LGSN: variants seen among roughly 807,000 people sequenced by gnomAD.
LGSN encodes the protein lengsin.
LGSN carries 21 observed loss-of-function variants against 19.5 expected under a neutral mutation model. The observed-to-expected ratio is 1.07, with a 90% CI of 0.76 to 1.55. The LOEUF (loss-of-function observed/expected upper bound fraction) is 1.55, where lower values mean the gene tolerates loss of function less well. LGSN is among the 40% of genes most tolerant of loss of function. The pLI is 0.00. For synonymous variants in LGSN, 257 were observed against 215.6 expected (o/e 1.19, Z -1.68); for missense variants, 673 against 608.5 (o/e 1.11, Z -1.12).
chr6:63,546,945 A>G, the LGSN span, among the ~76,000 whole-genome samples: 1 of 152,176 alleles, frequency 6.6e-6, no homozygotes, highest in Non-Finnish European at 1.5e-5. Context: ...CACCATAAAT[A>G]TATTTAATTT....
chr6:63,525,121 G>A, the LGSN span, among the ~76,000 whole-genome samples: 2 of 152,154 alleles, frequency 1.3e-5, no homozygotes, highest in Non-Finnish European at 2.9e-5. Context: ...TGTTTCAAAG[G>A]TGAAGATTTC....
At chr6:63,569,407 C>T in the LGSN span, among the ~76,000 whole-genome samples, 13 of 152,118 alleles carry the variant, frequency 8.5e-5, no homozygotes, top group African/African-American at 2.9e-4. Context: ...GAGGTGCCTG[C>T]CACCATGCCC....
At chr6:63,312,671 G>T (rs1484851905) in intron 1 of LGSN, among the ~76,000 whole-genome samples, 1 of 152,136 alleles carries the variant, frequency 6.6e-6, no homozygotes, top group Non-Finnish European at 1.5e-5. Context: ...GCTAGGTCAG[G>T]ATACCATAAA....
the LGSN span, among the ~76,000 whole-genome samples, chr6:63,380,131 C>T: frequency 6.6e-6 from 1 of 152,196 alleles, no homozygotes; most frequent in African/African-American, 2.4e-5. Flanking sequence ...AGCCACCACG[C>T]CCGGCCTCAT....
the LGSN span, among the ~76,000 whole-genome samples, chr6:63,531,229 C>CCACCT: frequency 4.6e-5 from 7 of 152,234 alleles, no homozygotes; most frequent in East Asian, 9.7e-4. Context: ...CAGAGACTGT[C>CCACCT]CACCTCTAAA....
At chr6:63,507,529 A>T in the LGSN span, among the ~76,000 whole-genome samples, 1 of 152,192 alleles carries the variant, frequency 6.6e-6, no homozygotes, top group Non-Finnish European at 1.5e-5. Flanking sequence ...CTAGTTGCAT[A>T]GTCACCTGGT....
the LGSN span, among the ~76,000 whole-genome samples, chr6:63,551,619 G>T: frequency 6.6e-6 from 1 of 152,152 alleles, no homozygotes; most frequent in Middle Eastern, 3.4e-3. Flanking sequence ...CATGTGCCAT[G>T]TTGGTGTGCT....
chr6:63,397,921 C>T, the LGSN span, among the ~76,000 whole-genome samples: 1 of 151,406 alleles, frequency 6.6e-6, no homozygotes, highest in Non-Finnish European at 1.5e-5. Context: ...GCCTGGGCAA[C>T]AATGTAAAAC....
At chr6:63,494,308 A>G in the LGSN span, among the ~76,000 whole-genome samples, 1 of 152,186 alleles carries the variant, frequency 6.6e-6, no homozygotes, top group Admixed American at 6.5e-5. Flanking sequence ...GCAGCAGCCT[A>G]TAGCAGCTTA....
chr6:63,396,381 T>C, the LGSN span: 1 of 228,248 alleles, frequency 4.4e-6, no homozygotes, highest in Non-Finnish European at 9.1e-6. Flanking sequence ...GTCCAGAATC[T>C]CACTCAACAA....
chr6:63,387,677 C>A, the LGSN span, among the ~76,000 whole-genome samples: 1 of 151,782 alleles, frequency 6.6e-6, no homozygotes, highest in Non-Finnish European at 1.5e-5. Flanking sequence ...TCACAGAGAT[C>A]AGTACTGAGA....
At chr6:63,522,244 T>A in the LGSN span, among the ~76,000 whole-genome samples, 4 of 152,240 alleles carry the variant, frequency 2.6e-5, no homozygotes, top group African/African-American at 9.6e-5. Context: ...ATGGCAAATT[T>A]TAACTGTTGT....
the LGSN span, among the ~76,000 whole-genome samples, chr6:63,389,209 A>G: frequency 6.6e-6 from 1 of 152,218 alleles, no homozygotes; most frequent in Non-Finnish European, 1.5e-5. Flanking sequence ...TGAAAAAGCT[A>G]TGATAAATAA....
the LGSN span, among the ~76,000 whole-genome samples, chr6:63,390,190 C>T: frequency 4.0e-5 from 5 of 125,542 alleles, no homozygotes; most frequent in Non-Finnish European, 6.2e-5. Flanking sequence ...AGTGCAGTGG[C>T]GCAATCTTGT....
intron 1 of LGSN, among the ~76,000 whole-genome samples, chr6:63,305,895 T>C (rs1303755141): frequency 1.3e-5 from 2 of 151,890 alleles, no homozygotes; most frequent in Non-Finnish European, 2.9e-5. Flanking sequence ...ACTCCATCTC[T>C]ACAAAAAATA....
At chr6:63,361,992 G>A in the LGSN span, among the ~76,000 whole-genome samples, 25 of 152,236 alleles carry the variant, frequency 1.6e-4, no homozygotes, top group South Asian at 1.2e-3. Context: ...GACACAAAAC[G>A]TAAAACTATT....
At chr6:63,372,032 T>G in the LGSN span, among the ~76,000 whole-genome samples, 2 of 152,226 alleles carry the variant, frequency 1.3e-5, no homozygotes, top group African/African-American at 4.8e-5. Flanking sequence ...TGGGTCTTCC[T>G]TGAGTTTGTT....
chr6:63,531,304 T>C, the LGSN span, among the ~76,000 whole-genome samples: 1 of 152,110 alleles, frequency 6.6e-6, no homozygotes, highest in Non-Finnish European at 1.5e-5. Flanking sequence ...GAAGGGCAAA[T>C]ACCGATTTGT....
the LGSN span, among the ~76,000 whole-genome samples, chr6:63,336,545 G>GTATATATATATA: frequency 7.2e-6 from 1 of 138,910 alleles, no homozygotes; most frequent in African/African-American, 3.1e-5. Context: ...GTGTGTGTGT[G>GTATATATATATA]TGTGTGTGTG....
Sources: allele counts gnomAD v4.1 joint callset (sites outside exome capture counted in the v4.1 genomes callset), GRCh38; gene constraint gnomAD v4.1.1; transcripts MANE v1.5; gene names NCBI Gene and HGNC (gene_info 2026-07-23, HGNC 2026-07-21).